The following KLHL13 variants were observed in gnomAD, a reference collection of about 807,000 sequenced individuals.
KLHL13 encodes kelch like family member 13.
A neutral mutation model predicts 37.1 loss-of-function variants in KLHL13; 10 were observed. The ratio of observed to expected loss-of-function variants is 0.27; its 90% CI spans 0.17 to 0.46. The LOEUF is 0.46. Among genes scored for constraint, KLHL13 ranks in the 20% least tolerant of loss-of-function variants. KLHL13 has a pLI of 1.00. For synonymous variants in KLHL13, 163 were observed against 181.2 expected, an observed-to-expected ratio of 0.90 and a Z score of 0.81; for missense variants, 360 against 509.3, an observed-to-expected ratio of 0.71 and a Z score of 2.82.
intron 1 of KLHL13, among the ~76,000 whole-genome samples, chrX:117,959,415 A>G (rs1037802929): frequency 2.7e-5 from 3 of 112,358 alleles, no homozygotes; most frequent in Non-Finnish European, 5.6e-5. Context: ...GCTAGATCAG[A>G]CTATTAATTA....
intron 2 of KLHL13, among the ~76,000 whole-genome samples, chrX:117,940,399 T>G (rs914237369): frequency 9.8e-5 from 11 of 111,927 alleles, no homozygotes; most frequent in Admixed American, 6.6e-4. Flanking sequence ...TTGTTCTTTT[T>G]GCTTAGGATT....
intron 1 of KLHL13, among the ~76,000 whole-genome samples, chrX:118,043,200 A>C (rs1306382379): frequency 1.8e-5 from 2 of 111,564 alleles, no homozygotes; most frequent in Non-Finnish European, 3.8e-5. Context: ...AAAAATCCAA[A>C]ACCTGAACAG....
intron 1 of KLHL13, among the ~76,000 whole-genome samples, chrX:118,006,074 G>C (rs756095189): frequency 9.0e-6 from 1 of 111,673 alleles, no homozygotes; most frequent in South Asian, 3.8e-4. Context: ...AGACTGGGTT[G>C]AGTTTCCATT....
intron 1 of KLHL13, among the ~76,000 whole-genome samples, chrX:118,058,177 G>A (rs967539628): frequency 9.0e-6 from 1 of 111,572 alleles, no homozygotes; most frequent in African/African-American, 3.3e-5. Context: ...TCAGCCCACT[G>A]TTTCTCATAC....
chrX:118,032,225 G>C (rs1437781722), intron 1 of KLHL13, among the ~76,000 whole-genome samples: 3 of 111,541 alleles, frequency 2.7e-5, no homozygotes, highest in East Asian at 5.7e-4. Context: ...AGCTTGAACT[G>C]GTTGGAGCCC....
At chrX:117,957,389 C>T (rs1007265327) in intron 1 of KLHL13, among the ~76,000 whole-genome samples, 2 of 111,989 alleles carry the variant, frequency 1.8e-5, no homozygotes, top group Non-Finnish European at 3.8e-5. Context: ...CCCTCCTTAA[C>T]TAATTGCACA....
intron 1 of KLHL13, among the ~76,000 whole-genome samples, chrX:117,988,510 A>G (rs953038124): frequency 8.9e-6 from 1 of 112,002 alleles, no homozygotes. Flanking sequence ...AGGAGTATTT[A>G]TATTGGAAGC....
At chrX:118,001,052 C>T (rs1212141534) in intron 1 of KLHL13, among the ~76,000 whole-genome samples, 1 of 111,927 alleles carries the variant, frequency 8.9e-6, no homozygotes, top group Non-Finnish European at 1.9e-5. Context: ...AAAGAACAAT[C>T]TCAGAATAAA....
chrX:117,925,702 T>C (rs184920421), intron 2 of KLHL13, among the ~76,000 whole-genome samples: 119 of 112,368 alleles, frequency 1.1e-3, no homozygotes, highest in Non-Finnish European at 1.8e-3. Flanking sequence ...AGAGACTTCT[T>C]TGATCTGATC....
At chrX:117,965,045 C>T (rs1190397861) in intron 1 of KLHL13, among the ~76,000 whole-genome samples, 3 of 111,930 alleles carry the variant, frequency 2.7e-5, no homozygotes, top group Non-Finnish European at 5.6e-5. Flanking sequence ...CCGCAATAAA[C>T]ATACATGTGC....
chrX:117,980,975 A>G (rs1185683480), intron 1 of KLHL13, among the ~76,000 whole-genome samples: 4 of 111,690 alleles, frequency 3.6e-5, no homozygotes, highest in Non-Finnish European at 5.7e-5. Context: ...CAATACTTCT[A>G]TTTTCATGAC....
At chrX:118,082,330 G>C (rs1018273280) in intron 1 of KLHL13, among the ~76,000 whole-genome samples, 4 of 111,192 alleles carry the variant, frequency 3.6e-5, no homozygotes, top group Non-Finnish European at 7.6e-5. Flanking sequence ...TTGCACTGTG[G>C]TTCTGATTTG....
chrX:117,953,544 A>G (rs191525301), intron 1 of KLHL13, among the ~76,000 whole-genome samples: 1 of 110,967 alleles, frequency 9.0e-6, no homozygotes, highest in Admixed American at 9.6e-5. Context: ...CCTAAAACTT[A>G]AAGTATAATA....
intron 1 of KLHL13, among the ~76,000 whole-genome samples, chrX:117,948,093 T>G (rs941856097): frequency 9.0e-6 from 1 of 110,757 alleles, no homozygotes; most frequent in Non-Finnish European, 1.9e-5. Flanking sequence ...GCAGACATTT[T>G]TCACTGTCAC....
chrX:118,058,511 T>C (rs1034649155), intron 1 of KLHL13, among the ~76,000 whole-genome samples: 3 of 111,719 alleles, frequency 2.7e-5, no homozygotes, highest in African/African-American at 9.7e-5. Context: ...TTATAATCCT[T>C]TGCTATCCTG....
chrX:117,948,590 A>G (rs375784041), intron 1 of KLHL13, among the ~76,000 whole-genome samples: 9 of 111,880 alleles, frequency 8.0e-5, no homozygotes, highest in African/African-American at 2.9e-4. Context: ...GTCCCATTTC[A>G]CCAGCCCTAC....
intron 1 of KLHL13, among the ~76,000 whole-genome samples, chrX:118,074,697 C>T (rs1388706020): frequency 1.8e-5 from 2 of 111,867 alleles, no homozygotes; most frequent in African/African-American, 6.5e-5. Context: ...AACTGGACCT[C>T]CAGTAAAGTC....
intron 5 of KLHL13, among the ~76,000 whole-genome samples, chrX:117,908,345 C>G (rs1311655308): frequency 9.2e-6 from 1 of 108,930 alleles, no homozygotes; most frequent in East Asian, 2.9e-4. Context: ...CTGCACCCAT[C>G]AACCTGTCAC....
At chrX:118,008,055 G>A (rs1243760828) in intron 1 of KLHL13, among the ~76,000 whole-genome samples, 2 of 111,529 alleles carry the variant, frequency 1.8e-5, no homozygotes, top group African/African-American at 6.5e-5. Context: ...TTTGTCCTTT[G>A]GCTATATATT....
Sources: gnomAD v4.1 joint callset for allele counts (sites outside exome capture counted in the v4.1 genomes callset) on GRCh38, gnomAD v4.1.1 for gene constraint, MANE v1.5 for transcripts, NCBI Gene and HGNC (gene_info 2026-07-23, HGNC 2026-07-21) for gene names.